Variants in NDUFAF6 observed in about 807,000 individuals in gnomAD.
NDUFAF6 encodes NADH dehydrogenase (ubiquinone) complex I, assembly factor 6.
In NDUFAF6, 45 loss-of-function variants were observed where a neutral mutation model predicts 40.8. That is an observed-to-expected ratio of 1.10 (90% CI 0.87 to 1.42). The LOEUF is 1.42. NDUFAF6 is among the 40% of genes most tolerant of loss of function. NDUFAF6 has a pLI of 0.00. For synonymous variants in NDUFAF6, 185 were observed against 155.9 expected (o/e 1.19, Z -1.39); for missense variants, 435 against 418.5 (o/e 1.04, Z -0.34).
intron 1 of NDUFAF6, among the ~76,000 whole-genome samples, chr8:94,969,128 CA>C (rs1824257139): frequency 6.6e-6 from 1 of 152,126 alleles, no homozygotes. Context: ...GGAGAGGCAT[CA>C]GGATCAAATT....
chr8:95,046,939 T>G (rs949005566), intron 5 of NDUFAF6, 55 bp from the exon 6 acceptor site: 1 of 1,608,462 alleles, frequency 6.2e-7, no homozygotes, highest in Non-Finnish European at 8.5e-7. Context: ...GCTATTTCTA[T>G]TGATTTATTA....
At chr8:95,052,855 G>A (rs1270671434) in intron 8 of NDUFAF6, among the ~76,000 whole-genome samples, 1 of 152,156 alleles carries the variant, frequency 6.6e-6, no homozygotes, top group Non-Finnish European at 1.5e-5. Context: ...ACAGGTTTGG[G>A]AACTGTTGTT....
intron 9 of NDUFAF6, chr8:95,075,594 G>T: frequency 7.8e-7 from 1 of 1,285,562 alleles, no homozygotes; most frequent in South Asian, 1.2e-5. Context: ...GAATTTTCTA[G>T]TTGGCTTGGT....
intron 2 of NDUFAF6, among the ~76,000 whole-genome samples, chr8:94,948,892 T>G (rs1822272263): frequency 6.6e-6 from 1 of 150,400 alleles, no homozygotes; most frequent in African/African-American, 2.4e-5. Context: ...GCCGGGCCCT[T>G]GTCCGCGCCG....
intron 1 of NDUFAF6, among the ~76,000 whole-genome samples, chr8:94,910,149 TG>T (rs978667659): frequency 6.6e-6 from 1 of 152,056 alleles, no homozygotes; most frequent in Admixed American, 6.6e-5. Flanking sequence ...TTTTTTTGTT[TG>T]TTTTTTTGGT....
At chr8:94,907,633 T>G (rs1375597083) in intron 1 of NDUFAF6, among the ~76,000 whole-genome samples, 1 of 152,174 alleles carries the variant, frequency 6.6e-6, no homozygotes, top group Non-Finnish European at 1.5e-5. Flanking sequence ...AGAAATGAGG[T>G]GAGCAAGTCA....
At chr8:94,915,298 C>A (rs2131243964) in intron 1 of NDUFAF6, among the ~76,000 whole-genome samples, 1 of 152,258 alleles carries the variant, frequency 6.6e-6, no homozygotes, top group Non-Finnish European at 1.5e-5. Context: ...TTAGCTCTCA[C>A]TTATGAGTGA....
chr8:94,996,558 G>A (rs1826440085), intron 2 of NDUFAF6, among the ~76,000 whole-genome samples: 3 of 152,160 alleles, frequency 2.0e-5, no homozygotes, highest in African/African-American at 7.2e-5. Flanking sequence ...TGATCTTGTG[G>A]TGATGGAGCC....
chr8:95,000,987 G>A (rs976392235), intron 2 of NDUFAF6, among the ~76,000 whole-genome samples: 3 of 142,012 alleles, frequency 2.1e-5, no homozygotes, highest in Admixed American at 7.4e-5. Flanking sequence ...ACAGGGTCTC[G>A]CTCTGTCTCC....
chr8:95,096,354 C>A (rs1471342948), upstream of NDUFAF6, among the ~76,000 whole-genome samples: 1 of 152,146 alleles, frequency 6.6e-6, no homozygotes, highest in East Asian at 1.9e-4. Context: ...TTCTCCGCCT[C>A]CCTGCAACAT....
chr8:94,920,369 C>T (rs1819418268), intron 1 of NDUFAF6, among the ~76,000 whole-genome samples: 1 of 152,202 alleles, frequency 6.6e-6, no homozygotes, highest in African/African-American at 2.4e-5. Context: ...TGGTGTCTGG[C>T]AAAGTCTCAC....
chr8:94,895,878 C>G (rs1047503708), exon 1 of NDUFAF6: 1 of 153,738 alleles, frequency 6.5e-6, no homozygotes. Flanking sequence ...CCCGCTCCGC[C>G]GGCCTTGCGC....
intron 4 of NDUFAF6, 100 bp from the exon 5 acceptor site, chr8:95,045,444 AT>A: frequency 1.3e-6 from 1 of 780,538 alleles, no homozygotes. Context: ...TATACTGAAT[AT>A]TTTTATTCGT....
intron 9 of NDUFAF6, among the ~76,000 whole-genome samples, chr8:95,063,805 A>G (rs2132018551): frequency 6.6e-6 from 1 of 152,056 alleles, no homozygotes; most frequent in Middle Eastern, 3.4e-3. Context: ...TGGGTGTCAC[A>G]AGGATTCTTT....
downstream of NDUFAF6, among the ~76,000 whole-genome samples, chr8:95,107,666 C>G (rs1291391302): frequency 6.6e-6 from 1 of 151,938 alleles, no homozygotes; most frequent in Non-Finnish European, 1.5e-5. Context: ...TGAATTTTAT[C>G]TTATGATAAT....
intron 8 of NDUFAF6, among the ~76,000 whole-genome samples, chr8:95,056,893 G>A (rs1832229067): frequency 1.7e-5 from 2 of 117,356 alleles, no homozygotes; most frequent in Admixed American, 1.9e-4. Context: ...GTAACACAGC[G>A]AGACTCTGTC....
chr8:94,972,777 G>A (rs1234367559), intron 1 of NDUFAF6, among the ~76,000 whole-genome samples: 1 of 149,056 alleles, frequency 6.7e-6, no homozygotes, highest in African/African-American at 2.5e-5. Flanking sequence ...GTGCATGCCT[G>A]TAGTCCCAGC....
intron 2 of NDUFAF6, among the ~76,000 whole-genome samples, chr8:94,997,991 A>G (rs1041539289): frequency 6.6e-6 from 1 of 152,148 alleles, no homozygotes; most frequent in African/African-American, 2.4e-5. Context: ...GTCCAATCCC[A>G]TCTGCCTCTT....
chr8:94,916,736 C>A (rs2131249905), intron 1 of NDUFAF6, among the ~76,000 whole-genome samples: 1 of 149,186 alleles, frequency 6.7e-6, no homozygotes, highest in South Asian at 2.1e-4. Flanking sequence ...TTGCTTGAAC[C>A]TGGGAGGCAG....
Sources: allele counts gnomAD v4.1 joint callset (sites outside exome capture counted in the v4.1 genomes callset), GRCh38; gene constraint gnomAD v4.1.1; transcripts MANE v1.5; gene names NCBI Gene and HGNC (gene_info 2026-07-23, HGNC 2026-07-21).